Variants in NEDD9 observed in about 807,000 individuals in gnomAD.
NEDD9 encodes neural precursor cell expressed, developmentally down-regulated 9, also known as enhancer of filamentation 1.
In NEDD9, 26 loss-of-function variants were observed where a neutral mutation model predicts 76.6. That is an observed-to-expected ratio of 0.34 (90% CI 0.25 to 0.47). NEDD9 has a LOEUF of 0.47. Ranked by LOEUF, NEDD9 falls within the 20% of genes least tolerant of loss-of-function variation. NEDD9 has a pLI of 1.00. For synonymous variants in NEDD9, 392 were observed against 414.2 expected (o/e 0.95, Z 0.65); for missense variants, 937 against 1,058.5 (o/e 0.89, Z 1.59).
intron 1 of NEDD9, among the ~76,000 whole-genome samples, chr6:11,371,645 C>T (rs1481435761): frequency 6.6e-6 from 1 of 152,174 alleles, no homozygotes; most frequent in African/African-American, 2.4e-5. Context: ...TTTTTTAGAG[C>T]AATGGGTTGA....
chr6:11,357,013 G>A (rs1056479022), intron 1 of NEDD9, among the ~76,000 whole-genome samples: 16 of 152,104 alleles, frequency 1.1e-4, no homozygotes, highest in African/African-American at 2.9e-4. Context: ...CTTCTGTTCC[G>A]GAGCCTCTAG....
At chr6:11,189,938 G>C in intron 5 of NEDD9, 26 bp downstream of exon 5, 1 of 1,510,044 alleles carries the variant, frequency 6.6e-7, no homozygotes, top group Non-Finnish European at 8.8e-7. Context: ...GTGAGTGTAG[G>C]TGTTTTATGA....
Position 11,185,600 on chromosome 6 carries a change from G to A in NEDD9, c.2067C>T (p.Pro689=), listed in dbSNP as rs757717888. The change falls in exon 7 of 7, where the codon CCC becomes CCT. Residue 689 remains proline, a synonymous_variant. Coordinates refer to ENST00000379446, the MANE Select transcript of NEDD9 (RefSeq NM_006403.4). ...TGTTTGTGGTGGGTAGGCTCTGAGA[G>A]GGCTTCCACTTCGAGATGTCATTCT... ...PVENDISKWK[P]SQSLPTTNSG... The A allele has an allele frequency of 7.4e-6, 12 of 1,614,224 alleles. No individual in the cohort carries two copies. Among genetic ancestry groups the A allele is most frequent in the South Asian group, 4.4e-5 (4 of 91,088 alleles).
At chr6:11,326,183 A>C (rs947067611) in intron 2 of NEDD9, among the ~76,000 whole-genome samples, 28 of 151,698 alleles carry the variant, frequency 1.8e-4, no homozygotes, top group East Asian at 5.8e-4. Context: ...AACAAAAAAA[A>C]CCCCAAGTTT....
chr6:11,358,113 G>A (rs10080695), intron 1 of NEDD9, among the ~76,000 whole-genome samples: 4,344 of 152,112 alleles, frequency 0.029, 221 homozygotes, highest in African/African-American at 0.1. Flanking sequence ...CCGGGCGTGC[G>A]TGCTGCATGC....
At chr6:11,291,767 G>GA (rs2113377039) in intron 3 of NEDD9, among the ~76,000 whole-genome samples, 1 of 152,266 alleles carries the variant, frequency 6.6e-6, no homozygotes, top group East Asian at 1.9e-4. Context: ...GTCAAAACTG[G>GA]AAAAATAGTT....
At chr6:11,216,725 G>A (rs1412401494) in intron 1 of NEDD9, among the ~76,000 whole-genome samples, 3 of 152,194 alleles carry the variant, frequency 2.0e-5, no homozygotes, top group Non-Finnish European at 4.4e-5. Context: ...GGTAAGCTAT[G>A]GTGATGTTTT....
intron 1 of NEDD9, among the ~76,000 whole-genome samples, chr6:11,217,284 C>T (rs1033087958): frequency 6.6e-6 from 1 of 152,154 alleles, no homozygotes; most frequent in African/African-American, 2.4e-5. Context: ...GGGATCCTCT[C>T]CTTCAGTGCA....
intron 1 of NEDD9, among the ~76,000 whole-genome samples, chr6:11,220,620 C>T (rs1247094277): frequency 6.6e-6 from 1 of 152,158 alleles, no homozygotes; most frequent in Non-Finnish European, 1.5e-5. Context: ...CATTTGGAAC[C>T]CAGCACTATT....
intron 2 of NEDD9, among the ~76,000 whole-genome samples, chr6:11,211,451 C>G (rs1471258919): frequency 6.6e-6 from 1 of 152,224 alleles, no homozygotes; most frequent in African/African-American, 2.4e-5. Context: ...CAAGCATTTC[C>G]TGCTCTGGCC....
chr6:11,282,723 T>C (rs1181773377), intron 3 of NEDD9, among the ~76,000 whole-genome samples: 2 of 152,234 alleles, frequency 1.3e-5, no homozygotes, highest in Non-Finnish European at 2.9e-5. Context: ...CTTTGACTAC[T>C]ACCTTCCTTG....
intron 1 of NEDD9, among the ~76,000 whole-genome samples, chr6:11,217,610 G>A (rs2018334): frequency 0.48 from 72,679 of 152,036 alleles, 18,237 homozygotes; most frequent in East Asian, 0.8. Flanking sequence ...AACAATTACC[G>A]TCCAACCCTT....
Position 11,283,843 on chromosome 6 carries a change from C to CGT in NEDD9, c.12+22147_12+22148dup, listed in dbSNP as rs148334348. Among the ~76,000 whole-genome samples, 474 of 152,140 alleles carry CGT rather than the reference C, an allele frequency of 3.1e-3. 2 individuals carry two copies. The highest frequency in any genetic ancestry group is 0.011 in the African/African-American group (449 of 41,498). On this transcript the variant is annotated intron_variant, in intron 3 of 3. Transcript: ENST00000397378. ...TCAGCAAGCCAGGAGGGAGGGTTCA[C>CGT]GTGTGTGTGTGCAAGGGTGGATGGT... is the stretch of plus-strand genomic sequence containing the variant.
intron 3 of NEDD9, among the ~76,000 whole-genome samples, chr6:11,290,726 G>A (rs771490586): frequency 8.5e-5 from 13 of 152,190 alleles, no homozygotes; most frequent in Non-Finnish European, 1.3e-4. Context: ...TGAACACTGC[G>A]CTGGGCTGTC....
chr6:11,373,938 T>C (rs746186313), intron 1 of NEDD9, among the ~76,000 whole-genome samples: 11 of 152,170 alleles, frequency 7.2e-5, no homozygotes, highest in Non-Finnish European at 1.5e-4. Context: ...GCCTTCGGAC[T>C]CAAGTAGCAA....
intron 2 of NEDD9, among the ~76,000 whole-genome samples, chr6:11,307,692 CAT>C (rs1359140567): frequency 6.6e-6 from 1 of 152,094 alleles, no homozygotes; most frequent in Non-Finnish European, 1.5e-5. Context: ...ATATAACACA[CAT>C]ATAGAAAACT....
rs116016677 is a variant in NEDD9 at position 11,337,369 on chromosome 6, G to T, written c.-213-2808C>A. ...AGTATACTATAGTAAAAACAAACTA[G>T]TAAAATAGTAATTCACTATCATCAA... On this transcript the variant is annotated intron_variant, in intron 1 of 3. Transcript: ENST00000397378. 3.0e-3 allele frequency among the ~76,000 whole-genome samples: 459 copies of T among 152,242 alleles called. 15 individuals are homozygous for T. The highest frequency in any genetic ancestry group is 0.027 in the Admixed American group (419 of 15,294).
chr6:11,367,826 T>C (rs1472606585), intron 1 of NEDD9, among the ~76,000 whole-genome samples: 1 of 152,216 alleles, frequency 6.6e-6, no homozygotes, highest in Non-Finnish European at 1.5e-5. Flanking sequence ...TGTAATTGCT[T>C]AAACCTAGCT....
chr6:11,319,936 C>T (rs923475198), intron 2 of NEDD9, among the ~76,000 whole-genome samples: 1 of 151,578 alleles, frequency 6.6e-6, no homozygotes, highest in African/African-American at 2.4e-5. Context: ...GAGCTTCCAC[C>T]TTTACCTGTT....
Sources: allele counts gnomAD v4.1 joint callset (sites outside exome capture counted in the v4.1 genomes callset), GRCh38; gene constraint gnomAD v4.1.1; transcripts MANE v1.5; gene names NCBI Gene and HGNC (gene_info 2026-07-23, HGNC 2026-07-21).